CHD9: variants seen among roughly 807,000 people sequenced by gnomAD.
CHD9 encodes the protein chromodomain helicase DNA binding protein 9.
Under a neutral mutation model 316.1 loss-of-function variants are expected in CHD9, and 77 were observed. That is an observed-to-expected ratio of 0.24 (90% CI 0.20 to 0.29). CHD9 has a LOEUF of 0.29. Ranked by LOEUF, CHD9 falls within the 10% of genes least tolerant of loss-of-function variation. CHD9 has a pLI of 1.00. For missense variants in CHD9, 2,763 were observed against 3,438.1 expected, an observed-to-expected ratio of 0.80 and a Z score of 4.91; for synonymous variants, 1,129 against 1,158.3, an observed-to-expected ratio of 0.97 and a Z score of 0.51.
intron 12 of CHD9, among the ~76,000 whole-genome samples, chr16:53,241,758 C>A (rs561235468): frequency 4.6e-5 from 7 of 152,306 alleles, no homozygotes; most frequent in Non-Finnish European, 1.0e-4. Flanking sequence ...ATGAAGATTT[C>A]TTGCTTGCAT....
chr16:53,138,167 A>G (rs908772760), intron 1 of CHD9, among the ~76,000 whole-genome samples: 6 of 152,242 alleles, frequency 3.9e-5, no homozygotes, highest in African/African-American at 1.4e-4. Context: ...CTTTCTTAGT[A>G]TACCTTAGGT....
chr16:53,231,323 CT>C (rs1356987213), intron 8 of CHD9, 95 bp from the exon 9 acceptor site: 1 of 596,022 alleles, frequency 1.7e-6, no homozygotes, highest in African/African-American at 1.9e-5. Flanking sequence ...TGAAATCAAA[CT>C]TACAAGGTCT....
At chr16:53,055,946 T>C (rs969372346) in intron 1 of CHD9, among the ~76,000 whole-genome samples, 5 of 152,212 alleles carry the variant, frequency 3.3e-5, no homozygotes, top group Non-Finnish European at 5.9e-5. Flanking sequence ...TGGCTGGAGC[T>C]GTCTTCCTCA....
At chr16:53,314,723 C>A in intron 35 of CHD9, 100 bp from the exon 36 acceptor site, 1 of 1,119,296 alleles carries the variant, frequency 8.9e-7, no homozygotes, top group Non-Finnish European at 1.3e-6. Context: ...GAATTTTTAG[C>A]AACAACTTAT....
intron 1 of CHD9, among the ~76,000 whole-genome samples, chr16:53,105,400 T>C (rs2037262956): frequency 6.6e-6 from 1 of 152,206 alleles, no homozygotes; most frequent in Non-Finnish European, 1.5e-5. Flanking sequence ...TAGCATACAC[T>C]TATTCTACAA....
intron 2 of CHD9, among the ~76,000 whole-genome samples, chr16:53,176,230 G>A (rs2043089800): frequency 6.6e-6 from 1 of 152,214 alleles, no homozygotes; most frequent in African/African-American, 2.4e-5. Context: ...CCCACATTCT[G>A]TGGCTTGTGG....
At chr16:53,172,401 G>A (rs1040971047) in intron 2 of CHD9, among the ~76,000 whole-genome samples, 20 of 152,178 alleles carry the variant, frequency 1.3e-4, no homozygotes, top group Non-Finnish European at 1.6e-4. Context: ...TCATTATATG[G>A]ATCTACTATA....
chr16:53,304,042 T>G lies in CHD9; in HGVS notation c.6036T>G (p.Ser2012=). ...GTAAGATGGCTCATTCAAGGACTTCTACCCCACTTCTACAGCAATATCAAG... is the reference window on the plus strand; with the variant it reads ...GTAAGATGGCTCATTCAAGGACTTCGACCCCACTTCTACAGCAATATCAAG... ...SQSKMAHSRT[S]TPLLQQYQVA... The change falls in exon 31 of 39, where the codon TCT becomes TCG. Residue 2012 remains serine, a synonymous_variant. Transcript: ENST00000447540. 1 of 1,614,042 alleles carries G rather than the reference T, an allele frequency of 6.2e-7. No individual in the cohort carries two copies. The highest frequency in any genetic ancestry group is 8.5e-7 in the Non-Finnish European group (1 of 1,179,884).
chr16:53,103,002 C>A (rs1238874287), intron 1 of CHD9, among the ~76,000 whole-genome samples: 2 of 151,688 alleles, frequency 1.3e-5, no homozygotes, highest in Non-Finnish European at 2.9e-5. Context: ...CCCGCCACCA[C>A]CCCTGGCTAA....
chr16:53,148,156 A>C (rs919015117), intron 1 of CHD9, among the ~76,000 whole-genome samples: 3 of 152,190 alleles, frequency 2.0e-5, no homozygotes, highest in Admixed American at 6.5e-5. Context: ...GCAATGAGCC[A>C]AGATCGCACT....
intron 1 of CHD9, among the ~76,000 whole-genome samples, chr16:53,148,831 T>C (rs950907242): frequency 7.2e-5 from 11 of 152,210 alleles, no homozygotes; most frequent in Non-Finnish European, 1.6e-4. Flanking sequence ...TTAGTTTGCT[T>C]TTCTGTTTCC....
intron 2 of CHD9, among the ~76,000 whole-genome samples, chr16:53,182,019 C>T (rs866891559): frequency 1.3e-5 from 2 of 152,078 alleles, no homozygotes; most frequent in Non-Finnish European, 2.9e-5. Flanking sequence ...ACAGAGGTTG[C>T]AGTGAGCCGA....
chr16:53,182,168 G>A (rs2043581811), intron 2 of CHD9, among the ~76,000 whole-genome samples: 1 of 152,104 alleles, frequency 6.6e-6, no homozygotes, highest in Non-Finnish European at 1.5e-5. Flanking sequence ...TTTTACTGCA[G>A]AACAATTGGT....
intron 32 of CHD9, among the ~76,000 whole-genome samples, chr16:53,306,819 G>T (rs148678596): frequency 3.3e-5 from 5 of 151,672 alleles, no homozygotes. Context: ...TCACTCTGTC[G>T]CCCAAGCTGG....
At chr16:53,301,826 C>T (rs910137218) in intron 30 of CHD9, among the ~76,000 whole-genome samples, 3 of 143,354 alleles carry the variant, frequency 2.1e-5, no homozygotes, top group Admixed American at 7.3e-5. Flanking sequence ...TATGCAGTGG[C>T]GTGATCTCGG....
intron 2 of CHD9, among the ~76,000 whole-genome samples, chr16:53,179,023 T>TA (rs142818884): frequency 0.058 from 8,709 of 149,794 alleles, 448 homozygotes; most frequent in African/African-American, 0.14. Context: ...ACCCTGTTTC[T>TA]AAAAAAAAAA....
chr16:53,080,070 A>G (rs1346623527), intron 1 of CHD9, among the ~76,000 whole-genome samples: 1 of 152,170 alleles, frequency 6.6e-6, no homozygotes, highest in Admixed American at 6.5e-5. Context: ...AATCTGTGCA[A>G]CTAAGCCCTT....
intron 1 of CHD9, among the ~76,000 whole-genome samples, chr16:53,142,896 G>A (rs935597207): frequency 2.0e-5 from 3 of 152,208 alleles, no homozygotes; most frequent in African/African-American, 7.2e-5. Context: ...CCTGCATCTG[G>A]TATAAGATGG....
intron 1 of CHD9, among the ~76,000 whole-genome samples, chr16:53,150,302 C>T (rs972086977): frequency 1.4e-4 from 21 of 150,326 alleles, no homozygotes; most frequent in South Asian, 4.2e-4. Flanking sequence ...GGTTATGTTG[C>T]GGATTATAAT....
Sources: gnomAD v4.1 joint callset for allele counts (sites outside exome capture counted in the v4.1 genomes callset) on GRCh38, gnomAD v4.1.1 for gene constraint, MANE v1.5 for transcripts, NCBI Gene and HGNC (gene_info 2026-07-23, HGNC 2026-07-21) for gene names.